The following SMARCA4 variants were observed in gnomAD, a reference collection of about 807,000 sequenced individuals.
SMARCA4 encodes SWI/SNF-related matrix-associated actin-dependent regulator of chromatin subfamily A member 4.
Under a neutral mutation model 193.9 loss-of-function variants are expected in SMARCA4, and 31 were observed. That is an observed-to-expected ratio of 0.16 (90% CI 0.12 to 0.22). The LOEUF is 0.22. SMARCA4 is among the 10% of genes least tolerant of loss of function. The pLI is 1.00. For missense variants in SMARCA4, 1,148 were observed against 2,296.0 expected, an observed-to-expected ratio of 0.50 and a Z score of 10.22; for synonymous variants, 942 against 933.1, an observed-to-expected ratio of 1.01 and a Z score of -0.17.
chr19:11,001,959 AATGAGGACCCTTG>A (rs1359966678), intron 11 of SMARCA4, among the ~76,000 whole-genome samples: 2 of 151,948 alleles, frequency 1.3e-5, no homozygotes, highest in Non-Finnish European at 2.9e-5. Flanking sequence ...AACAAAAAAG[AATGAGGACCCTTG>A]ATGAGATCTA....
At chr19:10,981,997 AACC>A (rs2085588755) in intron 1 of SMARCA4, among the ~76,000 whole-genome samples, 1 of 151,952 alleles carries the variant, frequency 6.6e-6, no homozygotes. Context: ...ACAAAACAAA[AACC>A]CCTACCTTTC....
At chr19:11,052,061 C>T (rs867956657) in intron 30 of SMARCA4, among the ~76,000 whole-genome samples, 3 of 152,088 alleles carry the variant, frequency 2.0e-5, no homozygotes, top group Middle Eastern at 3.2e-3. Context: ...TGCCACTGCA[C>T]TCCAGCCTGG....
rs559704828 is a variant in SMARCA4 at position 11,056,566 on chromosome 19, C to T, written c.4425-1689C>T. Among the ~76,000 whole-genome samples, 9 of 152,302 alleles carry T rather than the reference C, an allele frequency of 5.9e-5. No individual in the cohort carries two copies. In the South Asian group the frequency reaches 1.0e-3, roughly 18 times the overall value. ...TCCCACCTCAATTTCCTCCTCAGCA[C>T]GGCTGGCCTGGCACTGGTGCCTGCT... On this transcript the variant is annotated intron_variant, in intron 30 of 34. Transcript: ENST00000344626.
rs1352228130 is a variant in SMARCA4 at position 10,987,622 on chromosome 19, C to T, written c.860-44C>T. On this transcript the variant is annotated intron_variant, in intron 5 of 34. Transcript: ENST00000344626. The surrounding 1 kb of genome is among the most constrained non-coding windows in gnomAD (Gnocchi z 5.3). ...CTTTCCATTTCCAGCCCGGGATGGGCCCCAGAGCTCAACATGACGCCCTGG... is the reference window on the plus strand; with the variant it reads ...CTTTCCATTTCCAGCCCGGGATGGGTCCCAGAGCTCAACATGACGCCCTGG... 8.7e-6 allele frequency: 14 copies of T among 1,610,792 alleles called. No individual in the cohort carries two copies. The highest frequency in any genetic ancestry group is 1.2e-5 in the Non-Finnish European group (14 of 1,178,014).
In SMARCA4 at chr19:11,058,951, G is replaced by T; in HGVS notation, c.4635+62G>T. The T allele has an allele frequency of 2.3e-6, 3 of 1,291,730 alleles. No homozygotes were observed. The highest frequency in any genetic ancestry group is 1.2e-5 in the South Asian group (1 of 84,134). The allele number at this position is 1,291,730 out of a possible 1,614,324, so 80.0% of individuals were successfully genotyped here. A position where few individuals can be genotyped will look rare whatever the true frequency, so the allele number is the denominator to read the frequency against. On this transcript the variant is annotated intron_variant, in intron 32 of 34. Transcript: ENST00000344626. The surrounding 1 kb of genome is among the most constrained non-coding windows in gnomAD (Gnocchi z 5.8). The stretch of plus-strand genomic sequence containing the variant: ...CCACAGCTGGGCTTTGACCCAACCC[G>T]CCCCTCCTTCCCTTCTGAATTGATG...
intron 1 of SMARCA4, among the ~76,000 whole-genome samples, chr19:10,967,343 C>T (rs1397634496): frequency 3.9e-5 from 6 of 151,902 alleles, no homozygotes; most frequent in Admixed American, 3.9e-4. Context: ...CTTGCTCTCT[C>T]TCTGTCGCCC....
chr19:10,981,307 G>A (rs931001691), intron 1 of SMARCA4, among the ~76,000 whole-genome samples: 1 of 152,198 alleles, frequency 6.6e-6, no homozygotes, highest in Non-Finnish European at 1.5e-5. Flanking sequence ...AGCTGCAGGC[G>A]CATCCTCCCT....
Position 11,030,619 on chromosome 19 carries a change from A to G in SMARCA4, c.3383-111A>G, listed in dbSNP as rs1262595538. 3 of 957,154 alleles carry G rather than the reference A, an allele frequency of 3.1e-6. No individual in the cohort carries two copies. Among genetic ancestry groups the G allele is most frequent in the Admixed American group, 4.0e-5 (2 of 50,164 alleles). The allele number at this position is 957,154 out of a possible 1,614,324, so 59.3% of individuals were successfully genotyped here. A position where few individuals can be genotyped will look rare whatever the true frequency, so the allele number is the denominator to read the frequency against. On this transcript the variant is annotated intron_variant, in intron 24 of 34. Coordinates refer to ENST00000344626, the MANE Select transcript of SMARCA4 (RefSeq NM_003072.5). This position sits in a 1 kb window ranked among gnomAD's most constrained non-coding sequence, Gnocchi z 5.5. ...AGAGTGCGGAGCCAGGGATCTGGGGATGCTGGCAGGTGCTGATCCTGCTCC... is the reference window on the plus strand; with the variant it reads ...AGAGTGCGGAGCCAGGGATCTGGGGGTGCTGGCAGGTGCTGATCCTGCTCC...
Position 10,996,791 on chromosome 19 carries a change from C to T in SMARCA4, c.1812+247C>T, listed in dbSNP as rs146807656. 1.3e-3 allele frequency among the ~76,000 whole-genome samples: 201 copies of T among 152,246 alleles called. 1 individual carries two copies. The highest frequency in any genetic ancestry group is 4.3e-3 in the African/African-American group (179 of 41,542). On this transcript the variant is annotated intron_variant, in intron 11 of 34. Coordinates refer to ENST00000344626, the MANE Select transcript of SMARCA4 (RefSeq NM_003072.5). ...TCAGGTTTTACTTTGTTGTAACGTCCGACTTACAGGAGAGGTGCAAGAACC... is the reference window on the plus strand; with the variant it reads ...TCAGGTTTTACTTTGTTGTAACGTCTGACTTACAGGAGAGGTGCAAGAACC...
chr19:10,988,134 T>A (rs986111308), intron 6 of SMARCA4, among the ~76,000 whole-genome samples: 1 of 152,038 alleles, frequency 6.6e-6, no homozygotes, highest in African/African-American at 2.4e-5. Flanking sequence ...CTTTTTTTTT[T>A]TTTGAGACGG....
intron 1 of SMARCA4, among the ~76,000 whole-genome samples, chr19:10,978,557 C>T (rs1177309037): frequency 1.3e-5 from 2 of 151,866 alleles, no homozygotes; most frequent in Non-Finnish European, 2.9e-5. Flanking sequence ...TGGTCTCGAA[C>T]TCCTGACCTC....
rs2147127853 is a variant in SMARCA4 at position 11,060,198 on chromosome 19, G to A, written c.4911+11G>A. 1.3e-6 allele frequency: 2 copies of A among 1,550,516 alleles called. No individual in the cohort carries two copies. The highest frequency in any genetic ancestry group is 2.7e-5 in the African/African-American group (2 of 73,144). ...GAGGAACAAGAGGAGGTGAGGCCGG[G>A]CCCCCGAGCAGGCAGAGCTGGCATG... is the stretch of plus-strand genomic sequence containing the variant. On this transcript the variant is annotated intron_variant, in intron 34 of 34. Coordinates refer to ENST00000344626, the MANE Select transcript of SMARCA4 (RefSeq NM_003072.5).
rs2074853860 is a variant in SMARCA4, at chr19:11,030,557, A to G, written c.3383-173A>G. On this transcript the variant is annotated intron_variant, in intron 24 of 34. Transcript: ENST00000344626. This position sits in a 1 kb window ranked among gnomAD's most constrained non-coding sequence, Gnocchi z 5.5. ...GACGTTTTGTGGTGAAACACTGGAA[A>G]TCCAGTTATTCGCCAGTGGCCCACA... Among the ~76,000 whole-genome samples the G allele has an allele frequency of 6.6e-6, 1 of 152,190 alleles. No individual in the cohort carries two copies. The highest frequency in any genetic ancestry group is 2.4e-5 in the African/African-American group (1 of 41,442).
intron 1 of SMARCA4, among the ~76,000 whole-genome samples, chr19:10,971,032 A>G (rs1482625266): frequency 1.3e-5 from 2 of 152,082 alleles, no homozygotes; most frequent in Non-Finnish European, 2.9e-5. Flanking sequence ...AACCTAGTCT[A>G]CTAAAAATAC....
At chr19:11,020,843 T>A (rs963932524) in intron 18 of SMARCA4, 1 of 147,366 alleles carries the variant, frequency 6.8e-6, no homozygotes, top group African/African-American at 2.5e-5. Flanking sequence ...TTTCTCTTCT[T>A]TTTTTTTTTT....
chr19:10,987,326 G>A lies in SMARCA4; in HGVS notation c.859+323G>A, dbSNP rs961141075. ...CATTACCCATCCTCTTGGAGCCTGA[G>A]GTTTAGCGATGGGCATTGAGGGGCA... On this transcript the variant is annotated intron_variant, in intron 5 of 34. Transcript: ENST00000344626. The surrounding 1 kb of genome is among the most constrained non-coding windows in gnomAD (Gnocchi z 5.3). Among the ~76,000 whole-genome samples the A allele has an allele frequency of 1.3e-5, 2 of 152,202 alleles. No individual in the cohort carries two copies. Among genetic ancestry groups the A allele is most frequent in the Non-Finnish European group, 2.9e-5 (2 of 68,038 alleles).
intron 29 of SMARCA4, chr19:11,039,842 A>T (rs1007053578): frequency 2.3e-5 from 5 of 212,854 alleles, no homozygotes; most frequent in African/African-American, 1.1e-4. Context: ...CAGCACTTTG[A>T]GAGGCCGACA....
intron 1 of SMARCA4, among the ~76,000 whole-genome samples, chr19:10,978,917 C>T (rs1334104348): frequency 6.6e-6 from 1 of 151,980 alleles, no homozygotes; most frequent in African/African-American, 2.4e-5. Flanking sequence ...CCACTGCACT[C>T]CAGCTTGGGT....
rs1236013624 is a variant in SMARCA4, at chr19:10,961,077, T to A, written c.-129T>A. ...CTCGTTTGGCGGCGGCGGCGGCTTC[T>A]TTGTTTCGTGAAGAGAAGCGAGACG... is the stretch of plus-strand genomic sequence containing the variant. On this transcript the variant is annotated 5_prime_UTR_variant, in exon 1 of 35. Coordinates refer to ENST00000344626, the MANE Select transcript of SMARCA4 (RefSeq NM_003072.5). 1 of 148,724 alleles carries A rather than the reference T, an allele frequency of 6.7e-6. No individual in the cohort carries two copies. Among genetic ancestry groups the A allele is most frequent in the African/African-American group, 2.4e-5 (1 of 40,866 alleles). 9.2% of individuals were successfully genotyped at this position (148,724 alleles called of 1,614,324 possible). A position where few individuals can be genotyped will look rare whatever the true frequency, so the allele number is the denominator to read the frequency against.
Sources: gnomAD v4.1 joint callset for allele counts (sites outside exome capture counted in the v4.1 genomes callset) on GRCh38, gnomAD v4.1.1 for gene constraint, Gnocchi (gnomAD v3.1) non-coding constraint, MANE v1.5 for transcripts, NCBI Gene and HGNC (gene_info 2026-07-23, HGNC 2026-07-21) for gene names.